DST: variants seen among roughly 807,000 people sequenced by gnomAD.
DST encodes bullous pemphigoid antigen.
Under a neutral mutation model 875.2 loss-of-function variants are expected in DST, and 253 were observed. The ratio of observed to expected loss-of-function variants is 0.29; its 90% confidence interval spans 0.26 to 0.32. The LOEUF is 0.32. Ranked by LOEUF, DST falls within the 10% of genes least tolerant of loss-of-function variation. The pLI is 1.00. For synonymous variants in DST, 3,124 were observed against 3,197.1 expected (o/e 0.98, Z 0.77); for missense variants, 8,287 against 9,111.6 (o/e 0.91, Z 3.68).
intron 61 of DST, among the ~76,000 whole-genome samples, chr6:56,547,230 G>A (rs931898661): frequency 4.6e-5 from 7 of 152,148 alleles, no homozygotes; most frequent in Admixed American, 4.6e-4. Context: ...AATATGAGGT[G>A]TTAATAATAC....
intron 3 of DST, among the ~76,000 whole-genome samples, chr6:56,853,184 A>C (rs1452962393): frequency 6.6e-6 from 1 of 152,158 alleles, no homozygotes; most frequent in Non-Finnish European, 1.5e-5. Flanking sequence ...ATAAAATTTC[A>C]TCATCTTGGC....
At chr6:56,844,454 T>C (rs1033171017) in intron 4 of DST, among the ~76,000 whole-genome samples, 2 of 152,212 alleles carry the variant, frequency 1.3e-5, no homozygotes, top group Non-Finnish European at 2.9e-5. Flanking sequence ...CTAGTATCCA[T>C]TAAACTGAGT....
At chr6:56,531,455 GAC>G (rs1412593428) in intron 64 of DST, among the ~76,000 whole-genome samples, 1 of 152,144 alleles carries the variant, frequency 6.6e-6, no homozygotes, top group Non-Finnish European at 1.5e-5. Flanking sequence ...TTAATCTGTT[GAC>G]ACATATCAGA....
At position 56,492,870 on chromosome 6, in the gene DST, C is replaced by CAA. The variant is rs376190394; in HGVS notation, c.20550+62_20550+63dup. 0.026 allele frequency: 25,328 copies of CAA among 962,788 alleles called. 69 individuals carry two copies. The highest frequency in any genetic ancestry group is 0.03 in the Non-Finnish European group (22,485 of 743,742). The allele number at this position is 962,788 out of a possible 1,614,324, so 59.6% of individuals were successfully genotyped here. A position where few individuals can be genotyped will look rare whatever the true frequency, so the allele number is the denominator to read the frequency against. On this transcript the variant is annotated intron_variant, in intron 84 of 103. Coordinates refer to ENST00000680361, the MANE Select transcript of DST (RefSeq NM_001374736.1). Reference sequence around the variant, plus strand: ...ACGACAGAGGAGTGAGACTCAGTCTCAAAAAAAAAAAAAAAAGCCTGGTGT... The same window carrying CAA: ...ACGACAGAGGAGTGAGACTCAGTCTCAAAAAAAAAAAAAAAAAAGCCTGGTGT...
At chr6:56,878,714 C>T (rs7744240) in intron 3 of DST, among the ~76,000 whole-genome samples, 34,141 of 152,022 alleles carry the variant, frequency 0.22, 4,104 homozygotes, top group African/African-American at 0.31. Flanking sequence ...TCCCCTCTCT[C>T]CTTGGCCAAT....
At chr6:56,936,479 G>C (rs920476129) in intron 2 of DST, among the ~76,000 whole-genome samples, 3 of 152,188 alleles carry the variant, frequency 2.0e-5, no homozygotes, top group Admixed American at 6.5e-5. Context: ...CAGATACAGA[G>C]CTCCAGAAAA....
chr6:56,538,321 T>C (rs182846993), intron 61 of DST, among the ~76,000 whole-genome samples: 2 of 152,268 alleles, frequency 1.3e-5, no homozygotes, highest in African/African-American at 4.8e-5. Context: ...GCTTGGAGGA[T>C]GCCATGAGGA....
intron 4 of DST, among the ~76,000 whole-genome samples, chr6:56,735,675 A>G (rs776491337): frequency 1.3e-5 from 2 of 152,100 alleles, no homozygotes; most frequent in Non-Finnish European, 2.9e-5. Flanking sequence ...AGGAAGGGTT[A>G]CTCCCATTTT....
intron 4 of DST, among the ~76,000 whole-genome samples, chr6:56,782,903 C>T (rs1264682327): frequency 7.2e-5 from 11 of 152,068 alleles, no homozygotes; most frequent in Non-Finnish European, 1.6e-4. Flanking sequence ...GAATGTGTCC[C>T]AGAGATTCTG....
intron 58 of DST, among the ~76,000 whole-genome samples, chr6:56,557,884 C>T (rs1335587247): frequency 6.6e-6 from 1 of 152,156 alleles, no homozygotes; most frequent in East Asian, 1.9e-4. Context: ...CAAATCTTCA[C>T]TTATCCGTTC....
intron 83 of DST, 35 bp downstream of exon 83, chr6:56,493,975 A>C (rs758222336): frequency 4.3e-5 from 62 of 1,458,270 alleles, no homozygotes; most frequent in Non-Finnish European, 5.6e-5. Flanking sequence ...AAACAACTAA[A>C]ACACTGATTC....
chr6:56,508,158 G>A (rs569322420), intron 75 of DST, among the ~76,000 whole-genome samples: 1 of 151,858 alleles, frequency 6.6e-6, no homozygotes, highest in Non-Finnish European at 1.5e-5. Context: ...CTTCACCCTC[G>A]AACTAGCTGG....
At chr6:56,925,692 C>T (rs1462892195) in intron 2 of DST, among the ~76,000 whole-genome samples, 3 of 152,150 alleles carry the variant, frequency 2.0e-5, no homozygotes, top group Non-Finnish European at 4.4e-5. Context: ...AAACATAATC[C>T]CAAGTTCTCT....
chr6:56,652,513 G>A (rs182092315), intron 10 of DST, among the ~76,000 whole-genome samples: 220 of 152,288 alleles, frequency 1.4e-3, no homozygotes, highest in Non-Finnish European at 2.8e-3. Context: ...GAGTGGGAGG[G>A]CTCAAAGGTA....
chr6:56,609,589 A>G (rs1024338545), intron 39 of DST, among the ~76,000 whole-genome samples: 1 of 152,170 alleles, frequency 6.6e-6, no homozygotes, highest in Non-Finnish European at 1.5e-5. Context: ...TGAATTGAAA[A>G]CTTGATATCG....
At chr6:56,720,900 A>G (rs917650480) in intron 5 of DST, among the ~76,000 whole-genome samples, 4 of 147,564 alleles carry the variant, frequency 2.7e-5, no homozygotes, top group African/African-American at 1.1e-4. Context: ...GGCCGGGCAG[A>G]GGGGCTCCTC....
At chr6:56,640,671 A>G in intron 17 of DST, 66 bp from the exon 18 acceptor site, 1 of 1,233,520 alleles carries the variant, frequency 8.1e-7, no homozygotes, top group Non-Finnish European at 1.2e-6. Flanking sequence ...GTGAACTCTA[A>G]TGTTAATTAT....
intron 36 of DST, chr6:56,617,914 T>G: frequency 7.4e-7 from 1 of 1,350,894 alleles, no homozygotes; most frequent in South Asian, 1.2e-5. Flanking sequence ...AAATTTAGTC[T>G]AGGAGAGAAA....
intron 9 of DST, among the ~76,000 whole-genome samples, chr6:56,696,993 T>C (rs6924375): frequency 0.26 from 39,565 of 151,980 alleles, 6,341 homozygotes; most frequent in African/African-American, 0.44. Flanking sequence ...TGATAACTTC[T>C]CCAAGTTTAT....
Sources: gnomAD v4.1 joint callset for allele counts (sites outside exome capture counted in the v4.1 genomes callset) on GRCh38, gnomAD v4.1.1 for gene constraint, MANE v1.5 for transcripts, NCBI Gene and HGNC (gene_info 2026-07-23, HGNC 2026-07-21) for gene names.